The following DDX3X variants were observed in gnomAD, a reference collection of about 807,000 sequenced individuals.
DDX3X encodes ATP-dependent RNA helicase DDX3X.
In DDX3X, 4 loss-of-function variants were observed where a neutral mutation model predicts 52.7. The ratio of observed to expected loss-of-function variants is 0.08; its 90% CI spans 0.04 to 0.17. The LOEUF (loss-of-function observed/expected upper bound fraction) is 0.17, where lower values mean the gene tolerates loss of function less well. DDX3X is among the 10% of genes least tolerant of loss of function. DDX3X has a pLI of 1.00. For missense variants in DDX3X, 222 were observed against 548.6 expected (o/e 0.40, Z 5.95); for synonymous variants, 192 against 178.1 (o/e 1.08, Z -0.62).
At chrX:41,335,938 A>G (rs150310255) in intron 1 of DDX3X, 3 of 112,575 alleles carry the variant, frequency 2.7e-5, no homozygotes, top group Non-Finnish European at 5.6e-5. Context: ...AACAAGTGCA[A>G]AAGGAAAGTT....
downstream of DDX3X, among the ~76,000 whole-genome samples, chrX:41,352,844 C>A (rs2063994293): frequency 9.0e-6 from 1 of 111,448 alleles, no homozygotes; most frequent in Non-Finnish European, 1.9e-5. Flanking sequence ...GGTGTGGAGT[C>A]CACTGTTCAC....
intron 1 of DDX3X, chrX:41,334,540 G>C: frequency 9.1e-7 from 1 of 1,095,684 alleles, no homozygotes; most frequent in Non-Finnish European, 1.2e-6. Context: ...TTGTGTGTGC[G>C]TGCGCAGGCG....
At chrX:41,355,031 G>A (rs2064003044), downstream of DDX3X, among the ~76,000 whole-genome samples, 11 of 111,131 alleles carry the variant, frequency 9.9e-5, no homozygotes, top group Admixed American at 9.7e-4. Flanking sequence ...ATGTTGGCCA[G>A]GCTGGTCTCG....
downstream of DDX3X, among the ~76,000 whole-genome samples, chrX:41,354,344 C>CTTTTTTTTTTTTTTTT (rs60965317): frequency 2.4e-3 from 169 of 69,922 alleles, 23 homozygotes; most frequent in Middle Eastern, 8.5e-3. Flanking sequence ...TGTGCTACCT[C>CTTTTTTTTTTTTTTTT]TTTTTTTTTT....
At chrX:41,344,468 G>A (rs1310779718) in intron 10 of DDX3X, 69 bp downstream of exon 10, 11 of 1,142,600 alleles carry the variant, frequency 9.6e-6, no homozygotes, top group South Asian at 3.6e-5. Flanking sequence ...GCAGAGTTGC[G>A]CTCTTGTTGC....
chrX:41,338,197 T>C (rs770398767), intron 2 of DDX3X: 1 of 111,085 alleles, frequency 9.0e-6, no homozygotes, highest in South Asian at 3.8e-4. Flanking sequence ...TAGACCCTTA[T>C]TTTTAGCTCA....
At chrX:41,337,820 T>A (rs111592432) in intron 2 of DDX3X, 80 of 136,878 alleles carry the variant, frequency 5.8e-4, no homozygotes, top group African/African-American at 2.5e-3. Context: ...GCTGGCTCTC[T>A]TGAGTAAAAG....
At chrX:41,361,348 T>C (rs1340447518) in intron 5 of DDX3X, among the ~76,000 whole-genome samples, 1 of 108,724 alleles carries the variant, frequency 9.2e-6, no homozygotes, top group Non-Finnish European at 1.9e-5. Flanking sequence ...CTGTCTGTAC[T>C]GAAAATACAA....
In DDX3X at chrX:41,347,412, G is replaced by A. The variant is rs1264184971; in HGVS notation, c.1870G>A (p.Gly624Ser). The A allele has an allele frequency of 4.1e-6, 5 of 1,211,635 alleles. No individual in the cohort carries two copies. Among genetic ancestry groups the A allele is most frequent in the African/African-American group, 1.7e-5 (1 of 57,835 alleles). The change falls in exon 16 of 17, where the codon GGC (glycine) becomes AGC (serine). Residue 624 changes from glycine to serine, a missense_variant. By Grantham distance (56) the Gly-to-Ser change is moderately conservative (BLOSUM62 0). Transcript: ENST00000644876. ...SSSRASSSRS[G>S]GGGHGSSRGF... ...CAGCCGCGCAAGCAGCAGCCGCAGT[G>A]GCGGAGGTGGCCACGGTAGCAGCAG...
At chrX:41,336,790 T>G (rs2063777006) in intron 1 of DDX3X, 1 of 112,152 alleles carries the variant, frequency 8.9e-6, no homozygotes, top group Admixed American at 9.5e-5. Context: ...TTAAGAGTTG[T>G]GCTTAACATA....
At chrX:41,360,377 CAAAAAA>C (rs1222630328) in intron 5 of DDX3X, among the ~76,000 whole-genome samples, 1 of 80,496 alleles carries the variant, frequency 1.2e-5, no homozygotes, top group Non-Finnish European at 2.5e-5. Context: ...AACTCTGTCT[CAAAAAA>C]AAAAAAAAGA....
At position 41,346,886 on chromosome X, in the gene DDX3X, G is replaced by A; in HGVS notation, c.1643G>A (p.Arg548Lys). The A allele has an allele frequency of 4.1e-6, 5 of 1,209,635 alleles. No individual in the cohort carries two copies. Among genetic ancestry groups the A allele is most frequent in the Non-Finnish European group, 5.6e-6 (5 of 894,211 alleles). The change falls in exon 15 of 17, where the codon AGG (arginine) becomes AAG (lysine). Residue 548 changes from arginine (R) to lysine (K), a missense_variant. Arg to Lys is a conservative substitution (Grantham distance 26). Transcript: ENST00000644876. ...CTGGCAACCTCATTCTTTAACGAGA[G>A]GAACATAAATATTACTAAGGATTTG... ...LGLATSFFNE[R>K]NINITKDLLD...
intron 13 of DDX3X, 40 bp from the exon 14 acceptor site, chrX:41,346,465 T>G: frequency 1.7e-6 from 2 of 1,192,049 alleles, no homozygotes; most frequent in South Asian, 3.6e-5. Context: ...GTATTTGTTT[T>G]CTTTTAAGTG....
chrX:41,334,798 GGGCGGCCTTCGCTCGGGGTAATGGC>G lies in DDX3X; in HGVS notation c.45+510_45+534del, dbSNP rs765002713. 1.2e-4 allele frequency: 108 copies of G among 917,521 alleles called. No individual in the cohort carries two copies. Among genetic ancestry groups the G allele is most frequent in the East Asian group, 1.6e-4 (2 of 12,561 alleles). 75.6% of individuals were successfully genotyped at this position (917,521 alleles called of 1,213,427 possible). A position where few individuals can be genotyped will look rare whatever the true frequency, so the allele number is the denominator to read the frequency against. On this transcript the variant is annotated intron_variant, in intron 1 of 16. Transcript: ENST00000644876. ...GAACGCGGCCCAGGAATGTGGGAGG[GGGCGGCCTTCGCTCGGGGTAATGGC>G]GGCGGCCTCTTTTGTGTGGTGCTGG...
At chrX:41,356,370 C>A (rs1363171620) in intron 5 of DDX3X, among the ~76,000 whole-genome samples, 1 of 109,650 alleles carries the variant, frequency 9.1e-6, no homozygotes, top group Non-Finnish European at 1.9e-5. Context: ...TAGTCTCAAA[C>A]TCCTGACTTC....
intron 2 of DDX3X, 107 bp downstream of exon 2, chrX:41,337,572 T>C: frequency 1.7e-6 from 1 of 601,356 alleles, no homozygotes; most frequent in Non-Finnish European, 2.7e-6. Flanking sequence ...TTTTTACTGC[T>C]TAAAGAATTA....
In DDX3X at chrX:41,345,661, A is replaced by G. The variant is rs139528751; in HGVS notation, c.1315+113A>G. 1,912 of 667,821 alleles carry G rather than the reference A, an allele frequency of 2.9e-3. 5 individuals are homozygous for G. The highest frequency in any genetic ancestry group is 5.1e-3 in the Middle Eastern group (10 of 1,956). The allele number at this position is 667,821 out of a possible 1,213,427, so 55.0% of individuals were successfully genotyped here. On this transcript the variant is annotated intron_variant, in intron 12 of 16. Coordinates refer to ENST00000644876, the MANE Select transcript of DDX3X (RefSeq NM_001356.5). ...TCTCATTACTGATCAGCATGGGAGT[A>G]TTTGACCTGCTCTGTTTCTGACCTG...
At chrX:41,337,529 C>T (rs2063788940) in intron 2 of DDX3X, 64 bp downstream of exon 2, 19 of 983,604 alleles carry the variant, frequency 1.9e-5, no homozygotes, top group Non-Finnish European at 2.7e-5. Context: ...TTTCATTGGG[C>T]TTATGTAAAA....
downstream of DDX3X, chrX:41,350,761 T>C (rs1421979169): frequency 9.0e-6 from 1 of 111,649 alleles, no homozygotes; most frequent in Non-Finnish European, 1.9e-5. Context: ...AGACCTTATC[T>C]CTGAAAACAG....
Sources: allele counts gnomAD v4.1 joint callset (sites outside exome capture counted in the v4.1 genomes callset), GRCh38; gene constraint gnomAD v4.1.1; transcripts MANE v1.5; gene names NCBI Gene and HGNC (gene_info 2026-07-23, HGNC 2026-07-21).